Variants in ZNF618 observed in about 807,000 individuals in gnomAD.
The protein encoded by ZNF618 is zinc finger protein 618, also known as neural precursor cell expressed, developmentally down-regulated 10.
A neutral mutation model predicts 103.0 loss-of-function variants in ZNF618; 34 were observed. That is an observed-to-expected ratio of 0.33 (90% confidence interval 0.25 to 0.44). ZNF618 has a LOEUF of 0.44. Ranked by LOEUF, ZNF618 falls within the 20% of genes least tolerant of loss-of-function variation. The probability of loss-of-function intolerance (pLI) is 1.00; values close to 1 mark genes in which losing one functional copy is unlikely to be tolerated. For missense variants in ZNF618, 1,059 were observed against 1,295.4 expected (o/e 0.82, Z 2.80); for synonymous variants, 551 against 542.2 (o/e 1.02, Z -0.23).
At chr9:113,986,543 G>A (rs554777923) in intron 2 of ZNF618, among the ~76,000 whole-genome samples, 2 of 152,228 alleles carry the variant, frequency 1.3e-5, no homozygotes, top group South Asian at 2.1e-4. Context: ...GTAGAGGGTC[G>A]CCCTGTCACT....
chr9:113,881,690 C>T (rs1828542833), intron 1 of ZNF618, among the ~76,000 whole-genome samples: 2 of 152,110 alleles, frequency 1.3e-5, no homozygotes, highest in South Asian at 4.2e-4. Flanking sequence ...ACTGGCTGGC[C>T]CCAGAAGGGT....
At position 114,016,677 on chromosome 9, in the gene ZNF618, C is replaced by T. The variant is rs777213066; in HGVS notation, c.755-18C>T. The T allele has an allele frequency of 1.6e-5, 25 of 1,608,950 alleles. No individual in the cohort carries two copies. The highest frequency in any genetic ancestry group is 5.0e-5 in the Admixed American group (3 of 59,886). On this transcript the variant is annotated intron_variant, in intron 9 of 14. Transcript: ENST00000374126. ...GGCCAGTTGCACATTCTTACACCTT[C>T]GTTTCCTTCCTGGACAGAAACTGGC...
Position 114,049,021 on chromosome 9 carries a change from C to T in ZNF618, c.1719C>T (p.Gly573=). The change falls in exon 15 of 15, where the codon GGC becomes GGT. Residue 573 remains glycine, a synonymous_variant. Coordinates refer to ENST00000374126, the MANE Select transcript of ZNF618 (RefSeq NM_001318042.2). ...CYILTAYQAE[G]NHIKSYVLGV... Reference sequence around the variant, plus strand: ...TCCTCACAGCCTACCAGGCCGAGGGCAACCACATCAAGAGCTATGTGCTTG... The same window carrying T: ...TCCTCACAGCCTACCAGGCCGAGGGTAACCACATCAAGAGCTATGTGCTTG... The T allele has an allele frequency of 1.9e-6, 3 of 1,613,392 alleles. No homozygotes were observed. The highest frequency in any genetic ancestry group is 2.5e-6 in the Non-Finnish European group (3 of 1,179,438).
At chr9:114,031,231 C>A (rs1403627471) in intron 11 of ZNF618, among the ~76,000 whole-genome samples, 1 of 152,248 alleles carries the variant, frequency 6.6e-6, no homozygotes, top group Non-Finnish European at 1.5e-5. Context: ...ATGAGAGCCC[C>A]CCACCCCCAC....
chr9:113,924,424 C>CT (rs869300538), intron 1 of ZNF618, among the ~76,000 whole-genome samples: 4,881 of 67,100 alleles, frequency 0.073, 214 homozygotes, highest in African/African-American at 0.18. Context: ...TCTTCTTCTT[C>CT]TTTTTTTTTT....
At chr9:113,987,704 A>G (rs1440202535) in intron 2 of ZNF618, among the ~76,000 whole-genome samples, 1 of 152,212 alleles carries the variant, frequency 6.6e-6, no homozygotes, top group East Asian at 1.9e-4. Context: ...GAAATGCAGA[A>G]TCTCTGAGTG....
chr9:113,879,037 A>T (rs543455273), intron 1 of ZNF618, among the ~76,000 whole-genome samples: 5 of 151,558 alleles, frequency 3.3e-5, no homozygotes, highest in Non-Finnish European at 5.9e-5. Context: ...AATTAAAAAA[A>T]TTTTTTTCTG....
intron 6 of ZNF618, 81 bp downstream of exon 6, chr9:114,002,743 C>T (rs571975729): frequency 1.9e-4 from 288 of 1,503,344 alleles, no homozygotes; most frequent in Non-Finnish European, 2.3e-4. Flanking sequence ...GTCCCCTCCC[C>T]CAGAACTGCT....
chr9:113,962,225 T>C (rs1836910916), intron 1 of ZNF618, among the ~76,000 whole-genome samples: 1 of 152,214 alleles, frequency 6.6e-6, no homozygotes. Flanking sequence ...ATTTTTGGAA[T>C]CTTCCTTGAC....
chr9:114,043,909 C>A (rs1169430111), intron 13 of ZNF618, among the ~76,000 whole-genome samples: 2 of 152,000 alleles, frequency 1.3e-5, no homozygotes, highest in Non-Finnish European at 2.9e-5. Context: ...TTATTTTGTT[C>A]TTGCTGATTT....
chr9:113,972,342 C>G (rs181420426), intron 2 of ZNF618, among the ~76,000 whole-genome samples: 2 of 152,284 alleles, frequency 1.3e-5, no homozygotes, highest in South Asian at 2.1e-4. Context: ...AGCCACCATG[C>G]CCACCCTTTA....
intron 2 of ZNF618, among the ~76,000 whole-genome samples, chr9:113,986,775 C>T (rs1207085316): frequency 1.3e-5 from 2 of 152,220 alleles, no homozygotes; most frequent in Non-Finnish European, 2.9e-5. Flanking sequence ...GTCCTCTCCT[C>T]ATTAGCTGGG....
chr9:114,025,663 C>T (rs909547805), intron 10 of ZNF618, among the ~76,000 whole-genome samples: 2 of 152,106 alleles, frequency 1.3e-5, no homozygotes, highest in Non-Finnish European at 2.9e-5. Flanking sequence ...TGGCCCAGCC[C>T]AACCCACCCT....
chr9:114,045,049 G>GT (rs944030028), intron 13 of ZNF618, among the ~76,000 whole-genome samples: 15 of 150,992 alleles, frequency 9.9e-5, no homozygotes, highest in Admixed American at 5.3e-4. Context: ...TTTTTAATTG[G>GT]TTTTTTTTGG....
rs1174121460 is a variant in ZNF618, at chr9:113,997,489, G to GC, written c.338-766dup. On this transcript the variant is annotated intron_variant, in intron 3 of 14. Coordinates refer to ENST00000374126, the MANE Select transcript of ZNF618 (RefSeq NM_001318042.2). ...TGACCGACCTCTGGTGCTATTCGTT[G>GC]CCCCTCTGGTCCTCACTTTCCTCAT... Among the ~76,000 whole-genome samples the GC allele has an allele frequency of 8.5e-5, 13 of 152,270 alleles. No homozygotes were observed. In the East Asian group the frequency reaches 2.5e-3, roughly 29 times the overall value.
rs117722591 is a variant in ZNF618, at chr9:113,901,163, C to G, written c.33+24750C>G. Among the ~76,000 whole-genome samples the G allele has an allele frequency of 3.2e-3, 486 of 152,340 alleles. 1 individual carries two copies. The highest frequency in any genetic ancestry group is 5.3e-3 in the Non-Finnish European group (360 of 68,030). On this transcript the variant is annotated intron_variant, in intron 1 of 14. Coordinates refer to ENST00000374126, the MANE Select transcript of ZNF618 (RefSeq NM_001318042.2). ...CTCCCGCGAACCCGAGCTCCTGTCTCCTAGCACTGTCCTCTCCCGCTGCTG... is the reference window on the plus strand; with the variant it reads ...CTCCCGCGAACCCGAGCTCCTGTCTGCTAGCACTGTCCTCTCCCGCTGCTG...
At chr9:113,955,146 C>CTTTTTTTTTTTTTTTTTT (rs3034066) in intron 1 of ZNF618, among the ~76,000 whole-genome samples, 1 of 130,552 alleles carries the variant, frequency 7.7e-6, no homozygotes, top group Non-Finnish European at 1.6e-5. Flanking sequence ...AGTGACTTCT[C>CTTTTTTTTTTTTTTTTTT]TTTTTTTTTT....
At chr9:114,039,129 C>T (rs765259427) in intron 13 of ZNF618, among the ~76,000 whole-genome samples, 3 of 152,192 alleles carry the variant, frequency 2.0e-5, no homozygotes, top group Non-Finnish European at 4.4e-5. Flanking sequence ...AACATCCACC[C>T]TGTGCAGCCT....
At chr9:113,958,700 C>T (rs988078566) in intron 1 of ZNF618, among the ~76,000 whole-genome samples, 1 of 152,222 alleles carries the variant, frequency 6.6e-6, no homozygotes, top group African/African-American at 2.4e-5. Context: ...CTGCTGGCTT[C>T]TTTCTTCCTG....
Sources: allele counts gnomAD v4.1 joint callset (sites outside exome capture counted in the v4.1 genomes callset), GRCh38; gene constraint gnomAD v4.1.1; transcripts MANE v1.5; gene names NCBI Gene and HGNC (gene_info 2026-07-23, HGNC 2026-07-21).